RBFOX1: variants seen among roughly 807,000 people sequenced by gnomAD.
RBFOX1 encodes the protein RNA binding fox-1 homolog 1.
In RBFOX1, 8 loss-of-function variants were observed where a neutral mutation model predicts 57.7. The ratio of observed to expected loss-of-function variants is 0.14; its 90% CI spans 0.08 to 0.25. RBFOX1 has a LOEUF of 0.25. Among genes scored for constraint, RBFOX1 ranks in the 10% least tolerant of loss-of-function variants. The probability of loss-of-function intolerance (pLI) is 1.00; values close to 1 mark genes in which losing one functional copy is unlikely to be tolerated. For missense variants in RBFOX1, 611 were observed against 548.5 expected (o/e 1.11, Z -1.14); for synonymous variants, 326 against 222.4 (o/e 1.47, Z -4.15).
intron 3 of RBFOX1, among the ~76,000 whole-genome samples, chr16:6,660,856 G>C (rs1328299268): frequency 6.6e-6 from 1 of 152,126 alleles, no homozygotes; most frequent in East Asian, 1.9e-4. Context: ...AGTGTTAGGG[G>C]ATCTCAGGGG....
chr16:7,209,221 G>T (rs148595543), intron 4 of RBFOX1, among the ~76,000 whole-genome samples: 2 of 151,650 alleles, frequency 1.3e-5, no homozygotes, highest in African/African-American at 4.8e-5. Context: ...TGTAATGCCA[G>T]CTACTTGGGA....
chr16:5,431,651 G>T (rs1211171023), intron 1 of RBFOX1, among the ~76,000 whole-genome samples: 1 of 152,164 alleles, frequency 6.6e-6, no homozygotes, highest in Admixed American at 6.5e-5. Context: ...GGGGTTACAG[G>T]TGTGAGCCAC....
At chr16:6,827,202 GTT>G (rs60748314) in intron 3 of RBFOX1, among the ~76,000 whole-genome samples, 8 of 148,864 alleles carry the variant, frequency 5.4e-5, no homozygotes, top group East Asian at 2.0e-4. Flanking sequence ...TTAGAGGTGT[GTT>G]TTTTTTTTTC....
chr16:7,590,634 C>T (rs992907281), intron 7 of RBFOX1, among the ~76,000 whole-genome samples: 4 of 151,700 alleles, frequency 2.6e-5, no homozygotes, highest in African/African-American at 4.8e-5. Flanking sequence ...CCGAGGCAGG[C>T]GGATCACCTG....
intron 4 of RBFOX1, among the ~76,000 whole-genome samples, chr16:7,095,559 C>T (rs151157410): frequency 3.3e-5 from 5 of 152,252 alleles, no homozygotes; most frequent in African/African-American, 7.2e-5. Flanking sequence ...CTTTGAGTTA[C>T]ATTGTGAGCC....
At chr16:7,372,850 G>A (rs9926828) in intron 4 of RBFOX1, among the ~76,000 whole-genome samples, 3,470 of 152,058 alleles carry the variant, frequency 0.023, 131 homozygotes, top group African/African-American at 0.078. Context: ...TCAAATATAC[G>A]AAGAATATCT....
At chr16:6,877,017 C>T (rs1219366236) in intron 3 of RBFOX1, among the ~76,000 whole-genome samples, 1 of 152,108 alleles carries the variant, frequency 6.6e-6, no homozygotes, top group Non-Finnish European at 1.5e-5. Flanking sequence ...TACTATATTT[C>T]TGCTATTGTT....
intron 2 of RBFOX1, among the ~76,000 whole-genome samples, chr16:6,429,349 T>C (rs935620997): frequency 8.5e-5 from 13 of 152,252 alleles, no homozygotes; most frequent in African/African-American, 3.1e-4. Flanking sequence ...TTGTTGACCC[T>C]AGGGGCTAGC....
chr16:5,954,647 T>G (rs2059587414), intron 4 of RBFOX1, among the ~76,000 whole-genome samples: 1 of 152,214 alleles, frequency 6.6e-6, no homozygotes, highest in Middle Eastern at 3.4e-3. Context: ...TGAGGACTCA[T>G]AAGTTGGCAG....
Position 6,864,125 on chromosome 16 carries a change from C to T in RBFOX1, c.-15-187932C>T, listed in dbSNP as rs1021536139. On this transcript the variant is annotated intron_variant, in intron 3 of 15. Transcript: ENST00000550418. ...GACAAAGAAGAAAGCGAAGGAGTCT[C>T]TTTAGCAGGAAGAAGGAGGGGTCAT... 1.3e-5 allele frequency among the ~76,000 whole-genome samples: 2 copies of T among 151,908 alleles called. 1 individual carries two copies. Among genetic ancestry groups the T allele is most frequent in the Non-Finnish European group, 2.9e-5 (2 of 67,990 alleles).
intron 1 of RBFOX1, among the ~76,000 whole-genome samples, chr16:5,296,421 G>T (rs1416165476): frequency 6.6e-6 from 1 of 152,070 alleles, no homozygotes; most frequent in African/African-American, 2.4e-5. Context: ...TACATCCCCA[G>T]AACCCATTGA....
chr16:6,912,133 A>C (rs895685762), intron 3 of RBFOX1, among the ~76,000 whole-genome samples: 25 of 152,322 alleles, frequency 1.6e-4, no homozygotes, highest in African/African-American at 5.1e-4. Context: ...TCAGAACTTT[A>C]CGTTTGAGTT....
At chr16:7,615,322 G>C (rs994336536) in intron 10 of RBFOX1, among the ~76,000 whole-genome samples, 1 of 130,994 alleles carries the variant, frequency 7.6e-6, no homozygotes, top group Admixed American at 7.2e-5. Flanking sequence ...AATAGAGCAA[G>C]ACTCCATCTC....
intron 5 of RBFOX1, among the ~76,000 whole-genome samples, chr16:7,539,283 C>T (rs938929686): frequency 6.6e-6 from 1 of 152,136 alleles, no homozygotes; most frequent in Non-Finnish European, 1.5e-5. Context: ...GTCGGTTAAG[C>T]TGTGTTCTGA....
intron 3 of RBFOX1, among the ~76,000 whole-genome samples, chr16:7,016,110 C>T (rs531838658): frequency 3.3e-5 from 5 of 152,236 alleles, no homozygotes; most frequent in Admixed American, 3.3e-4. Flanking sequence ...TAGTAAAGTT[C>T]ATCACTTCTG....
intron 2 of RBFOX1, among the ~76,000 whole-genome samples, chr16:5,505,698 A>G (rs1007109584): frequency 2.0e-5 from 3 of 152,166 alleles, no homozygotes; most frequent in African/African-American, 4.8e-5. Context: ...GTGACAAAAG[A>G]TACCATCTTA....
intron 4 of RBFOX1, among the ~76,000 whole-genome samples, chr16:7,450,849 C>T (rs1270270965): frequency 1.3e-5 from 2 of 152,126 alleles, no homozygotes; most frequent in Admixed American, 6.5e-5. Context: ...TGGCATGCGA[C>T]GGGCCCAGCA....
Position 5,431,627 on chromosome 16 carries a change from C to T in RBFOX1, c.220-35589C>T, listed in dbSNP as rs549614114. Among the ~76,000 whole-genome samples the T allele has an allele frequency of 1.4e-3, 209 of 152,282 alleles. 4 individuals are homozygous for T. Among genetic ancestry groups the T allele is most frequent in the African/African-American group, 4.7e-3 (196 of 41,566 alleles). ...TGACCTTGTGATCCGCCCGCCTCAG[C>T]CTCCCAAAGTGCTGGGGTTACAGGT... On this transcript the variant is annotated intron_variant, in intron 1 of 2. Coordinates refer to the RBFOX1 transcript ENST00000585867.
chr16:6,929,569 T>G (rs969897002), intron 3 of RBFOX1, among the ~76,000 whole-genome samples: 1 of 152,082 alleles, frequency 6.6e-6, no homozygotes, highest in Admixed American at 6.5e-5. Context: ...AGGGAAGAGG[T>G]CTGCATGGGG....
Sources: gnomAD v4.1 joint callset for allele counts (sites outside exome capture counted in the v4.1 genomes callset) on GRCh38, gnomAD v4.1.1 for gene constraint, MANE v1.5 for transcripts, NCBI Gene and HGNC (gene_info 2026-07-23, HGNC 2026-07-21) for gene names.